Variants in RBFOX2 observed in about 807,000 individuals in gnomAD.
The protein encoded by RBFOX2 is RNA binding fox-1 homolog 2.
In RBFOX2, 10 loss-of-function variants were observed where a neutral mutation model predicts 49.1. That is an observed-to-expected ratio of 0.20 (90% CI 0.13 to 0.35). RBFOX2 has a LOEUF of 0.35. Among genes scored for constraint, RBFOX2 ranks in the 10% least tolerant of loss-of-function variants. The pLI is 1.00. For synonymous variants in RBFOX2, 183 were observed against 187.4 expected (o/e 0.98, Z 0.19); for missense variants, 323 against 486.9 (o/e 0.66, Z 3.17).
At chr22:35,865,502 C>A (rs1259514655) in intron 1 of RBFOX2, among the ~76,000 whole-genome samples, 1 of 152,034 alleles carries the variant, frequency 6.6e-6, no homozygotes, top group Admixed American at 6.6e-5. Context: ...TTCCAGCGTT[C>A]AAAAAGCCTG....
intron 4 of RBFOX2, chr22:35,777,698 G>A: frequency 3.8e-6 from 1 of 266,504 alleles, no homozygotes; most frequent in South Asian, 1.2e-4. Flanking sequence ...TTTAGTCTTT[G>A]CACTTTTCCT....
chr22:36,008,151 T>C (rs2058686583), intron 1 of RBFOX2, among the ~76,000 whole-genome samples: 1 of 152,216 alleles, frequency 6.6e-6, no homozygotes, highest in Non-Finnish European at 1.5e-5. Context: ...TATGAGTTCC[T>C]ATTTCTTTAC....
Position 35,749,990 on chromosome 22 carries a change from C to T in RBFOX2, c.888-3429G>A, listed in dbSNP as rs557119555. Among the ~76,000 whole-genome samples the T allele has an allele frequency of 2.6e-5, 4 of 152,282 alleles. No homozygotes were observed. Among genetic ancestry groups the T allele is most frequent in the African/African-American group, 4.8e-5 (2 of 41,540 alleles). On this transcript the variant is annotated intron_variant, in intron 9 of 11. Transcript: ENST00000405409. The surrounding 1 kb of genome is among the most constrained non-coding windows in gnomAD (Gnocchi z 4.1). ...TTTGCCCTAGGCTCTACCACAAGCTCGGTGAAGTACACAGCCTCAATTACT... is the reference window on the plus strand; with the variant it reads ...TTTGCCCTAGGCTCTACCACAAGCTTGGTGAAGTACACAGCCTCAATTACT...
chr22:35,823,316 G>T (rs936789282), intron 1 of RBFOX2, among the ~76,000 whole-genome samples: 13 of 152,280 alleles, frequency 8.5e-5, no homozygotes, highest in African/African-American at 3.1e-4. Flanking sequence ...GGACAGACTG[G>T]CTTCCATAAC....
At chr22:35,905,640 C>T (rs952541213) in intron 1 of RBFOX2, among the ~76,000 whole-genome samples, 4 of 152,056 alleles carry the variant, frequency 2.6e-5, no homozygotes, top group Admixed American at 6.5e-5. Flanking sequence ...TGAATGAATG[C>T]GTTTACAGAG....
chr22:35,876,116 G>C (rs1355689638), intron 1 of RBFOX2, among the ~76,000 whole-genome samples: 1 of 152,162 alleles, frequency 6.6e-6, no homozygotes, highest in Admixed American at 6.5e-5. Flanking sequence ...CTGGCAAATA[G>C]CATGGCCTTA....
intron 1 of RBFOX2, among the ~76,000 whole-genome samples, chr22:35,837,940 TCA>T (rs1370810822): frequency 6.6e-6 from 1 of 152,146 alleles, no homozygotes; most frequent in South Asian, 2.1e-4. Flanking sequence ...AACTTAATGG[TCA>T]CACACACTAC....
intron 6 of RBFOX2, among the ~76,000 whole-genome samples, chr22:35,763,984 A>T (rs951817865): frequency 2.5e-4 from 38 of 151,888 alleles, no homozygotes; most frequent in African/African-American, 8.2e-4. Context: ...AGAAAATTTG[A>T]CATTCTTTGC....
chr22:35,969,522 C>A (rs1329514027), intron 1 of RBFOX2, among the ~76,000 whole-genome samples: 7 of 151,976 alleles, frequency 4.6e-5, no homozygotes, highest in African/African-American at 1.7e-4. Context: ...TGCAGTGAGC[C>A]GAGATCGCAC....
exon 12 of RBFOX2, chr22:35,740,619 C>G (rs898519933): frequency 5.2e-5 from 8 of 152,640 alleles, no homozygotes; most frequent in Admixed American, 2.0e-4. Context: ...CAGCGGAGAA[C>G]TGGCTGAACT....
chr22:35,840,354 C>A, exon 1 of RBFOX2: 1 of 1,543,554 alleles, frequency 6.5e-7, no homozygotes, highest in Non-Finnish European at 8.7e-7. Context: ...ATACCGTTTT[C>A]CTTCCTTTTT....
intron 1 of RBFOX2, among the ~76,000 whole-genome samples, chr22:35,976,001 A>G (rs1365583158): frequency 6.6e-6 from 1 of 152,088 alleles, no homozygotes; most frequent in Non-Finnish European, 1.5e-5. Context: ...CCCCAAATGT[A>G]TTTTCCTACA....
chr22:35,834,489 CAT>C (rs1957313808), intron 1 of RBFOX2, among the ~76,000 whole-genome samples: 1 of 152,070 alleles, frequency 6.6e-6, no homozygotes, highest in Non-Finnish European at 1.5e-5. Context: ...AACAAACAAA[CAT>C]ATAACAATCA....
intron 1 of RBFOX2, among the ~76,000 whole-genome samples, chr22:35,866,894 C>T (rs1334459124): frequency 2.0e-5 from 3 of 152,220 alleles, no homozygotes; most frequent in Non-Finnish European, 1.5e-5. Context: ...GGAGTCTCAA[C>T]ATCCCCATCC....
At chr22:35,922,847 G>A (rs564750478) in intron 1 of RBFOX2, among the ~76,000 whole-genome samples, 140 of 152,274 alleles carry the variant, frequency 9.2e-4, no homozygotes, top group African/African-American at 3.2e-3. Flanking sequence ...CAGAGTTCCT[G>A]AGTAGCTCTA....
intron 1 of RBFOX2, among the ~76,000 whole-genome samples, chr22:35,991,781 C>A (rs1476978613): frequency 6.6e-6 from 1 of 152,152 alleles, no homozygotes; most frequent in Non-Finnish European, 1.5e-5. Context: ...CAAGAACGGG[C>A]ACCAGATTCA....
intron 9 of RBFOX2, among the ~76,000 whole-genome samples, chr22:35,754,211 C>T (rs1936132722): frequency 6.6e-6 from 1 of 151,672 alleles, no homozygotes; most frequent in Non-Finnish European, 1.5e-5. Flanking sequence ...CCTACATCAG[C>T]CTCCCGAGTA....
intron 1 of RBFOX2, among the ~76,000 whole-genome samples, chr22:35,954,861 A>T (rs971545886): frequency 6.6e-6 from 1 of 152,206 alleles, no homozygotes; most frequent in African/African-American, 2.4e-5. Context: ...CCCAGAGAGA[A>T]CCAGTGTACA....
chr22:36,010,587 G>C (rs541676803), intron 1 of RBFOX2, among the ~76,000 whole-genome samples: 1 of 152,016 alleles, frequency 6.6e-6, no homozygotes, highest in African/African-American at 2.4e-5. Flanking sequence ...GGAGAAAAAG[G>C]GCTATTGCAA....
Sources: gnomAD v4.1 joint callset for allele counts (sites outside exome capture counted in the v4.1 genomes callset) on GRCh38, gnomAD v4.1.1 for gene constraint, Gnocchi (gnomAD v3.1) non-coding constraint, MANE v1.5 for transcripts, NCBI Gene and HGNC (gene_info 2026-07-23, HGNC 2026-07-21) for gene names.